UNC5D: variants seen among roughly 807,000 people sequenced by gnomAD.
UNC5D encodes the protein unc-5 netrin receptor D, also known as netrin receptor UNC5D.
In UNC5D, 39 loss-of-function variants were observed where a neutral mutation model predicts 105.4. The ratio of observed to expected loss-of-function variants is 0.37; its 90% CI spans 0.29 to 0.48. The LOEUF (loss-of-function observed/expected upper bound fraction) is 0.48, where lower values mean the gene tolerates loss of function less well. Ranked by LOEUF, UNC5D falls within the 20% of genes least tolerant of loss-of-function variation. UNC5D has a pLI of 0.98. For missense variants in UNC5D, 991 were observed against 1,202.4 expected, an observed-to-expected ratio of 0.82 and a Z score of 2.60; for synonymous variants, 452 against 450.4, an observed-to-expected ratio of 1.00 and a Z score of -0.04.
chr8:35,764,007 A>G (rs1282303091), intron 14 of UNC5D, among the ~76,000 whole-genome samples: 1 of 152,236 alleles, frequency 6.6e-6, no homozygotes, highest in East Asian at 1.9e-4. Context: ...AATAATCCCA[A>G]TCAGCTGCTT....
At chr8:35,397,885 C>A (rs142208060) in intron 1 of UNC5D, among the ~76,000 whole-genome samples, 1 of 152,272 alleles carries the variant, frequency 6.6e-6, no homozygotes, top group East Asian at 1.9e-4. Flanking sequence ...TGACACTTCA[C>A]CTTGCTCTTA....
At chr8:35,724,008 C>T (rs776568244) in intron 9 of UNC5D, 38 of 595,596 alleles carry the variant, frequency 6.4e-5, no homozygotes, top group African/African-American at 4.8e-4. Context: ...ATATGGAAAG[C>T]GCTCACAAAT....
At chr8:35,641,363 A>G (rs962957850) in intron 4 of UNC5D, among the ~76,000 whole-genome samples, 1 of 148,054 alleles carries the variant, frequency 6.8e-6, no homozygotes, top group Non-Finnish European at 1.5e-5. Flanking sequence ...AAAAAAAATA[A>G]AGCAAAAAAA....
At chr8:35,338,651 C>T (rs933213221) in intron 1 of UNC5D, among the ~76,000 whole-genome samples, 1 of 152,150 alleles carries the variant, frequency 6.6e-6, no homozygotes, top group Admixed American at 6.5e-5. Context: ...AGAGATTCTG[C>T]TCCCATCTCT....
chr8:35,511,494 A>AAAAAAAAAAT (rs1812695819), intron 1 of UNC5D, among the ~76,000 whole-genome samples: 1 of 149,476 alleles, frequency 6.7e-6, no homozygotes. Context: ...AAAAAAAAAA[A>AAAAAAAAAAT]AGGTCTTAAT....
chr8:35,611,354 C>T (rs1234265379), intron 4 of UNC5D, among the ~76,000 whole-genome samples: 3 of 152,164 alleles, frequency 2.0e-5, no homozygotes, highest in South Asian at 2.1e-4. Flanking sequence ...GGCCCCATCT[C>T]TTGTAATCTG....
intron 4 of UNC5D, among the ~76,000 whole-genome samples, chr8:35,675,031 G>GT (rs1232561753): frequency 1.3e-5 from 2 of 152,106 alleles, no homozygotes; most frequent in Non-Finnish European, 2.9e-5. Context: ...TTCCCAAGAC[G>GT]TTTTTTACTA....
chr8:35,480,638 C>T (rs537347277), intron 1 of UNC5D, among the ~76,000 whole-genome samples: 3 of 152,106 alleles, frequency 2.0e-5, no homozygotes, highest in Admixed American at 2.0e-4. Context: ...GATATATCTA[C>T]AATAAGAATT....
intron 1 of UNC5D, among the ~76,000 whole-genome samples, chr8:35,520,647 A>G (rs537900506): frequency 1.3e-5 from 2 of 152,258 alleles, no homozygotes; most frequent in Non-Finnish European, 2.9e-5. Flanking sequence ...AAAACCAATC[A>G]GCTAAACAGT....
chr8:35,683,921 C>T (rs565619851), intron 5 of UNC5D, among the ~76,000 whole-genome samples, 194 bp downstream of exon 5: 77 of 152,240 alleles, frequency 5.1e-4, no homozygotes, highest in African/African-American at 1.8e-3. Context: ...CTGTTCCTTC[C>T]AATATTGCAC....
chr8:35,655,731 A>G (rs531878215), intron 4 of UNC5D, among the ~76,000 whole-genome samples: 80 of 152,216 alleles, frequency 5.3e-4, no homozygotes, highest in Non-Finnish European at 9.3e-4. Flanking sequence ...TAGAATAGCC[A>G]GATGGAGAAG....
At chr8:35,655,763 C>G (rs1369042577) in intron 4 of UNC5D, among the ~76,000 whole-genome samples, 1 of 152,072 alleles carries the variant, frequency 6.6e-6, no homozygotes, top group Non-Finnish European at 1.5e-5. Flanking sequence ...GAAGGGCAGT[C>G]CTTTCAGACA....
intron 1 of UNC5D, among the ~76,000 whole-genome samples, chr8:35,478,465 T>TA (rs1487025532): frequency 6.6e-6 from 1 of 152,216 alleles, no homozygotes; most frequent in African/African-American, 2.4e-5. Context: ...GATGAAAACA[T>TA]ATAAGCAAAT....
intron 1 of UNC5D, among the ~76,000 whole-genome samples, chr8:35,441,988 A>G (rs1202712794): frequency 6.6e-6 from 1 of 151,936 alleles, no homozygotes; most frequent in Non-Finnish European, 1.5e-5. Context: ...AGCACTATCT[A>G]TATTCCAAGT....
At chr8:35,409,386 C>T (rs1476668457) in intron 1 of UNC5D, among the ~76,000 whole-genome samples, 3 of 151,080 alleles carry the variant, frequency 2.0e-5, no homozygotes, top group African/African-American at 4.8e-5. Flanking sequence ...CCTCCACAGC[C>T]TTGGTGTTGT....
intron 1 of UNC5D, among the ~76,000 whole-genome samples, chr8:35,543,354 C>A (rs1369620185): frequency 3.9e-5 from 6 of 152,190 alleles, no homozygotes; most frequent in African/African-American, 1.4e-4. Flanking sequence ...CTCAAATTCA[C>A]TTAAACAATA....
chr8:35,775,846 G>A (rs1802222038), intron 16 of UNC5D, among the ~76,000 whole-genome samples: 1 of 152,086 alleles, frequency 6.6e-6, no homozygotes, highest in African/African-American at 2.4e-5. Flanking sequence ...CAAGACGGAG[G>A]CATTGCTGCA....
At chr8:35,605,418 G>A (rs1221667228) in intron 4 of UNC5D, among the ~76,000 whole-genome samples, 3 of 152,192 alleles carry the variant, frequency 2.0e-5, no homozygotes, top group Non-Finnish European at 4.4e-5. Flanking sequence ...TTGTCTCAGA[G>A]GAGTACCTGG....
At chr8:35,779,220 G>A (rs1332176668) in intron 16 of UNC5D, among the ~76,000 whole-genome samples, 1 of 152,206 alleles carries the variant, frequency 6.6e-6, no homozygotes, top group Non-Finnish European at 1.5e-5. Context: ...TGGTCATGTA[G>A]CGGGTAGGTG....
Sources: allele counts gnomAD v4.1 joint callset (sites outside exome capture counted in the v4.1 genomes callset), GRCh38; gene constraint gnomAD v4.1.1; transcripts MANE v1.5; gene names NCBI Gene and HGNC (gene_info 2026-07-23, HGNC 2026-07-21).